FBXO8: variants seen among roughly 807,000 people sequenced by gnomAD.
FBXO8 encodes the protein F-box only protein 8.
A neutral mutation model predicts 33.4 loss-of-function variants in FBXO8; 15 were observed. The ratio of observed to expected loss-of-function variants is 0.45; its 90% confidence interval spans 0.30 to 0.69. The LOEUF is 0.69. FBXO8 is among the 30% of genes least tolerant of loss of function. The pLI is 0.08. For missense variants in FBXO8, 274 were observed against 380.3 expected, an observed-to-expected ratio of 0.72 and a Z score of 2.32; for synonymous variants, 132 against 131.5, an observed-to-expected ratio of 1.00 and a Z score of -0.02.
chr4:174,268,655 C>T (rs1333302951), intron 1 of FBXO8, among the ~76,000 whole-genome samples: 1 of 152,158 alleles, frequency 6.6e-6, no homozygotes, highest in African/African-American at 2.4e-5. Context: ...CCAGGATGGT[C>T]TCCATCTCCT....
chr4:174,254,089 A>G lies in FBXO8; in HGVS notation c.456+5610T>C, dbSNP rs936915237. On this transcript the variant is annotated intron_variant, in intron 3 of 5. Transcript: ENST00000393674. The surrounding 1 kb of genome is among the most constrained non-coding windows in gnomAD (Gnocchi z 4.2). The stretch of plus-strand genomic sequence containing the variant: ...GCCAAAAACATCTTAGCTGATACAT[A>G]CAGGGAGAAGTGGGTACTGCAAGAA... Among the ~76,000 whole-genome samples the G allele has an allele frequency of 6.6e-6, 1 of 152,188 alleles. No individual in the cohort carries two copies. Among genetic ancestry groups the G allele is most frequent in the Non-Finnish European group, 1.5e-5 (1 of 68,036 alleles).
Position 174,259,872 on chromosome 4 carries a change from T to A in FBXO8, c.330-47A>T. The A allele has an allele frequency of 6.6e-7, 1 of 1,514,570 alleles. No individual in the cohort carries two copies. The highest frequency in any genetic ancestry group is 8.8e-7 in the Non-Finnish European group (1 of 1,131,830). 93.8% of individuals were successfully genotyped at this position (1,514,570 alleles called of 1,614,324 possible). A position where few individuals can be genotyped will look rare whatever the true frequency, so the allele number is the denominator to read the frequency against. On this transcript the variant is annotated intron_variant, in intron 2 of 5. Coordinates refer to ENST00000393674, the MANE Select transcript of FBXO8 (RefSeq NM_012180.3). This position sits in a 1 kb window ranked among gnomAD's most constrained non-coding sequence, Gnocchi z 4.3. ...GACAAGAAAACATTACTACATTTAA[T>A]TTCCTAAGTTAAATATGCATATACA...
Position 174,253,375 on chromosome 4 carries a change from C to T in FBXO8, c.456+6324G>A, listed in dbSNP as rs189094780. Among the ~76,000 whole-genome samples, 1 of 152,256 alleles carries T rather than the reference C, an allele frequency of 6.6e-6. No individual in the cohort carries two copies. The highest frequency in any genetic ancestry group is 2.4e-5 in the African/African-American group (1 of 41,544). ...CTTCAATCACAGCATAACCACCTCCCCTCCTATCCCGTCTTCCTCCCTTTT... is the reference window on the plus strand; with the variant it reads ...CTTCAATCACAGCATAACCACCTCCTCTCCTATCCCGTCTTCCTCCCTTTT... On this transcript the variant is annotated intron_variant, in intron 3 of 5. Transcript: ENST00000393674. This position sits in a 1 kb window ranked among gnomAD's most constrained non-coding sequence, Gnocchi z 4.5.
rs949621505 is a variant in FBXO8, at chr4:174,253,385, C to T, written c.456+6314G>A. ...AGCATAACCACCTCCCCTCCTATCC[C>T]GTCTTCCTCCCTTTTAAAATTTTGA... On this transcript the variant is annotated intron_variant, in intron 3 of 5. Coordinates refer to ENST00000393674, the MANE Select transcript of FBXO8 (RefSeq NM_012180.3). This position sits in a 1 kb window ranked among gnomAD's most constrained non-coding sequence, Gnocchi z 4.5. Among the ~76,000 whole-genome samples the T allele has an allele frequency of 2.6e-5, 4 of 152,118 alleles. No individual in the cohort carries two copies. Among genetic ancestry groups the T allele is most frequent in the African/African-American group, 7.2e-5 (3 of 41,420 alleles).
chr4:174,278,591 A>T lies in FBXO8; in HGVS notation c.-9+4819T>A, dbSNP rs1195689996. 6.6e-6 allele frequency among the ~76,000 whole-genome samples: 1 copy of T among 152,054 alleles called. No individual in the cohort carries two copies. Reference sequence around the variant, plus strand: ...ATACTTCTCACTAGCATTATTTTTAATTATATGGTTCTTACTTAATTGTAT... The same window carrying T: ...ATACTTCTCACTAGCATTATTTTTATTTATATGGTTCTTACTTAATTGTAT... On this transcript the variant is annotated intron_variant, in intron 1 of 5. Coordinates refer to ENST00000393674, the MANE Select transcript of FBXO8 (RefSeq NM_012180.3). The surrounding 1 kb of genome is among the most constrained non-coding windows in gnomAD (Gnocchi z 4.1).
In FBXO8 at chr4:174,277,074, C is replaced by A. The variant is rs1415822280; in HGVS notation, c.-9+6336G>T. On this transcript the variant is annotated intron_variant, in intron 1 of 5. Coordinates refer to ENST00000393674, the MANE Select transcript of FBXO8 (RefSeq NM_012180.3). The surrounding 1 kb of genome is among the most constrained non-coding windows in gnomAD (Gnocchi z 4.9). ...AGTTTTAGTCTAACCAAGTCTGTTA[C>A]AACAGCATAAAAGCGCTTCCACTTA... 6.6e-6 allele frequency among the ~76,000 whole-genome samples: 1 copy of A among 152,084 alleles called. No homozygotes were observed. Among genetic ancestry groups the A allele is most frequent in the Admixed American group, 6.6e-5 (1 of 15,260 alleles).
rs1735908018 is a variant in FBXO8, at chr4:174,237,296, A to G, written c.*116T>C. The stretch of plus-strand genomic sequence containing the variant: ...CAAAAGAAAAAAAGGTTGCACACTG[A>G]AGCTTGATTGTATACTCAGGCTACA... On this transcript the variant is annotated 3_prime_UTR_variant, in exon 6 of 6. Coordinates refer to ENST00000393674, the MANE Select transcript of FBXO8 (RefSeq NM_012180.3). This position sits in a 1 kb window ranked among gnomAD's most constrained non-coding sequence, Gnocchi z 4.4. 1 of 774,732 alleles carries G rather than the reference A, an allele frequency of 1.3e-6. No individual in the cohort carries two copies. The highest frequency in any genetic ancestry group is 1.7e-5 in the African/African-American group (1 of 57,216). 48.0% of individuals were successfully genotyped at this position (774,732 alleles called of 1,614,324 possible).
rs1736309246 is a variant in FBXO8 at position 174,252,355 on chromosome 4, C to A, written c.456+7344G>T. Among the ~76,000 whole-genome samples, 1 of 152,122 alleles carries A rather than the reference C, an allele frequency of 6.6e-6. No homozygotes were observed. The highest frequency in any genetic ancestry group is 6.6e-5 in the Admixed American group (1 of 15,248). ...CTGGATAATAATAATAGCAATAATA[C>A]ATCAAGATGTTTTTGGTTATAAACA... On this transcript the variant is annotated intron_variant, in intron 3 of 5. Coordinates refer to ENST00000393674, the MANE Select transcript of FBXO8 (RefSeq NM_012180.3). This position sits in a 1 kb window ranked among gnomAD's most constrained non-coding sequence, Gnocchi z 5.1.
chr4:174,270,660 C>T lies in FBXO8; in HGVS notation c.-8-7560G>A, dbSNP rs538551446. On this transcript the variant is annotated intron_variant, in intron 1 of 5. Transcript: ENST00000393674. This position sits in a 1 kb window ranked among gnomAD's most constrained non-coding sequence, Gnocchi z 4.6. ...TGAGATTTAGTCTTGTCTTGTTCCC[C>T]AGCTGCAGTGCAATGGCGCGATCTC... Among the ~76,000 whole-genome samples, 9 of 151,346 alleles carry T rather than the reference C, an allele frequency of 5.9e-5. No homozygotes were observed. Among genetic ancestry groups the T allele is most frequent in the African/African-American group, 1.9e-4 (8 of 41,230 alleles).
Position 174,267,805 on chromosome 4 carries a change from CACTT to C in FBXO8, c.-8-4709_-8-4706del, listed in dbSNP as rs2126442188. Among the ~76,000 whole-genome samples the C allele has an allele frequency of 6.6e-6, 1 of 152,232 alleles. No individual in the cohort carries two copies. Among genetic ancestry groups the C allele is most frequent in the African/African-American group, 2.4e-5 (1 of 41,534 alleles). On this transcript the variant is annotated intron_variant, in intron 1 of 5. Transcript: ENST00000393674. This position sits in a 1 kb window ranked among gnomAD's most constrained non-coding sequence, Gnocchi z 4.7. ...TATAAAAGATATATTACTGTCCTGT[CACTT>C]GCAGCAATTGTTAGGTAAAATAAAA...
intron 1 of FBXO8, among the ~76,000 whole-genome samples, chr4:174,279,778 G>A (rs1233748587): frequency 6.6e-6 from 1 of 152,030 alleles, no homozygotes; most frequent in Non-Finnish European, 1.5e-5. Flanking sequence ...AAATGGTGCT[G>A]AGAAATCATA....
Position 174,261,903 on chromosome 4 carries a change from T to C in FBXO8, c.329+861A>G, listed in dbSNP as rs1329701614. ...TATAGTCTATATTTTTATAAAGACC[T>C]ATTTCAAGATAATAAGACAAATAAA... On this transcript the variant is annotated intron_variant, in intron 2 of 5. Coordinates refer to ENST00000393674, the MANE Select transcript of FBXO8 (RefSeq NM_012180.3). This position sits in a 1 kb window ranked among gnomAD's most constrained non-coding sequence, Gnocchi z 4.1. Among the ~76,000 whole-genome samples, 1 of 152,100 alleles carries C rather than the reference T, an allele frequency of 6.6e-6. No homozygotes were observed. Among genetic ancestry groups the C allele is most frequent in the African/African-American group, 2.4e-5 (1 of 41,464 alleles).
At position 174,281,969 on chromosome 4, in the gene FBXO8, A is replaced by T. The variant is rs922441942; in HGVS notation, c.-9+1441T>A. Among the ~76,000 whole-genome samples, 2 of 152,226 alleles carry T rather than the reference A, an allele frequency of 1.3e-5. No homozygotes were observed. The highest frequency in any genetic ancestry group is 4.8e-5 in the African/African-American group (2 of 41,474). On this transcript the variant is annotated intron_variant, in intron 1 of 5. Coordinates refer to ENST00000393674, the MANE Select transcript of FBXO8 (RefSeq NM_012180.3). This position sits in a 1 kb window ranked among gnomAD's most constrained non-coding sequence, Gnocchi z 4.6. ...TGATTTTGATGCATTATCATGGGTC[A>T]GTCAATGGAATAGTGCCAGTTTCCA...
rs1736561613 is a variant in FBXO8, at chr4:174,261,546, C to G, written c.329+1218G>C. 6.6e-6 allele frequency among the ~76,000 whole-genome samples: 1 copy of G among 151,896 alleles called. No individual in the cohort carries two copies. The highest frequency in any genetic ancestry group is 1.5e-5 in the Non-Finnish European group (1 of 67,834). On this transcript the variant is annotated intron_variant, in intron 2 of 5. Transcript: ENST00000393674. This position sits in a 1 kb window ranked among gnomAD's most constrained non-coding sequence, Gnocchi z 4.1. ...GAAAGAATGAGCCAGTTTAAAAGTA[C>G]TTTCATTTCCTCTTCTATTCATGAG...
chr4:174,254,228 G>A lies in FBXO8; in HGVS notation c.456+5471C>T, dbSNP rs953489374. The stretch of plus-strand genomic sequence containing the variant: ...TATCACAGCCAAGAATTAGAATTTC[G>A]AGTTTATCTTTCTCTTTCTTTATGC... On this transcript the variant is annotated intron_variant, in intron 3 of 5. Coordinates refer to ENST00000393674, the MANE Select transcript of FBXO8 (RefSeq NM_012180.3). This position sits in a 1 kb window ranked among gnomAD's most constrained non-coding sequence, Gnocchi z 4.2. Among the ~76,000 whole-genome samples the A allele has an allele frequency of 6.6e-6, 1 of 152,070 alleles. No homozygotes were observed. The highest frequency in any genetic ancestry group is 2.4e-5 in the African/African-American group (1 of 41,428).
chr4:174,252,293 A>T lies in FBXO8; in HGVS notation c.456+7406T>A, dbSNP rs2126425233. Among the ~76,000 whole-genome samples the T allele has an allele frequency of 6.6e-6, 1 of 152,252 alleles. No individual in the cohort carries two copies. Among genetic ancestry groups the T allele is most frequent in the South Asian group, 2.1e-4 (1 of 4,824 alleles). On this transcript the variant is annotated intron_variant, in intron 3 of 5. Transcript: ENST00000393674. This position sits in a 1 kb window ranked among gnomAD's most constrained non-coding sequence, Gnocchi z 5.1. Reference sequence around the variant, plus strand: ...CAGTTAGCAATGTTTATTTTTAAAAATTTGCATTGAGGATTACATCTCAAA... The same window carrying T: ...CAGTTAGCAATGTTTATTTTTAAAATTTTGCATTGAGGATTACATCTCAAA...
chr4:174,259,621 C>T lies in FBXO8; in HGVS notation c.456+78G>A. ...GTTCAATGACTTTTTGTTTTCCCTG[C>T]TAGTTTATGATATTGGAAAGCTGCA... On this transcript the variant is annotated intron_variant, in intron 3 of 5. Coordinates refer to ENST00000393674, the MANE Select transcript of FBXO8 (RefSeq NM_012180.3). This position sits in a 1 kb window ranked among gnomAD's most constrained non-coding sequence, Gnocchi z 4.3. The T allele has an allele frequency of 1.3e-6, 2 of 1,522,944 alleles. No individual in the cohort carries two copies. Among genetic ancestry groups the T allele is most frequent in the East Asian group, 4.8e-5 (2 of 41,708 alleles). The allele number at this position is 1,522,944 out of a possible 1,614,324, so 94.3% of individuals were successfully genotyped here.
chr4:174,250,434 C>A (rs989480716), intron 3 of FBXO8, among the ~76,000 whole-genome samples: 1 of 151,980 alleles, frequency 6.6e-6, no homozygotes. Flanking sequence ...CTTTGAAATA[C>A]CTCAAGTTAT....
chr4:174,258,426 T>C lies in FBXO8; in HGVS notation c.456+1273A>G, dbSNP rs564132826. 2.6e-5 allele frequency among the ~76,000 whole-genome samples: 4 copies of C among 152,336 alleles called. No homozygotes were observed. In the South Asian group the frequency reaches 8.3e-4, roughly 32 times the overall value. The stretch of plus-strand genomic sequence containing the variant: ...ATTCTAAAAAGCAATATTATATTGG[T>C]AAATGTGTAATTTGAACTTCGTATA... On this transcript the variant is annotated intron_variant, in intron 3 of 5. Coordinates refer to ENST00000393674, the MANE Select transcript of FBXO8 (RefSeq NM_012180.3).
Sources: gnomAD v4.1 joint callset for allele counts (sites outside exome capture counted in the v4.1 genomes callset) on GRCh38, gnomAD v4.1.1 for gene constraint, Gnocchi (gnomAD v3.1) non-coding constraint, MANE v1.5 for transcripts, NCBI Gene and HGNC (gene_info 2026-07-23, HGNC 2026-07-21) for gene names.